FMN1: variants seen among roughly 807,000 people sequenced by gnomAD.
FMN1 encodes formin 1, also known as formin-1.
A neutral mutation model predicts 132.4 loss-of-function variants in FMN1; 110 were observed. The observed-to-expected ratio is 0.83, with a 90% confidence interval of 0.71 to 0.97. FMN1 has a LOEUF of 0.97. Among genes scored for constraint, FMN1 ranks in the 50% least tolerant of loss-of-function variants. FMN1 has a pLI of 0.00. For synonymous variants in FMN1, 722 were observed against 651.7 expected, an observed-to-expected ratio of 1.11 and a Z score of -1.64; for missense variants, 1,792 against 1,705.3, an observed-to-expected ratio of 1.05 and a Z score of -0.90.
intron 6 of FMN1, among the ~76,000 whole-genome samples, chr15:33,059,826 T>A (rs2037403060): frequency 6.6e-6 from 1 of 152,236 alleles, no homozygotes; most frequent in Admixed American, 6.5e-5. Flanking sequence ...AATCTCTTGC[T>A]TCTACTCTCC....
intron 16 of FMN1, among the ~76,000 whole-genome samples, chr15:32,880,019 T>C (rs1448512454): frequency 6.6e-6 from 1 of 152,090 alleles, no homozygotes; most frequent in Non-Finnish European, 1.5e-5. Flanking sequence ...GATTATTTGG[T>C]GCTTAGTAGT....
At chr15:32,836,842 A>G (rs1376225466) in intron 17 of FMN1, 1 of 165,884 alleles carries the variant, frequency 6.0e-6, no homozygotes, top group Admixed American at 6.5e-5. Context: ...CAACTTCCTG[A>G]CACTCCTAGG....
intron 6 of FMN1, among the ~76,000 whole-genome samples, chr15:33,049,489 G>A (rs1331483576): frequency 1.3e-5 from 2 of 152,190 alleles, no homozygotes; most frequent in Non-Finnish European, 2.9e-5. Context: ...GGGGTTTCAA[G>A]ACCAAATTAG....
At position 32,968,453 on chromosome 15, in the gene FMN1, G is replaced by A. The variant is rs182170368; in HGVS notation, c.2987+261C>T. ...TTAGATCCGGACTCTTGTCTAGTCT[G>A]TAAAATGGAACATTTGCCTTGGAAA... On this transcript the variant is annotated intron_variant, in intron 8 of 20. Transcript: ENST00000616417. 9.9e-4 allele frequency among the ~76,000 whole-genome samples: 151 copies of A among 152,258 alleles called. 2 individuals are homozygous for A. The highest frequency in any genetic ancestry group is 3.2e-3 in the African/African-American group (134 of 41,556).
At chr15:32,949,994 TACAC>T (rs374719880) in intron 9 of FMN1, among the ~76,000 whole-genome samples, 104 of 18,216 alleles carry the variant, frequency 5.7e-3, no homozygotes, top group African/African-American at 7.9e-3. Context: ...CACATATATA[TACAC>T]ATACACATAT....
chr15:32,958,290 A>G (rs1268864709), intron 9 of FMN1, among the ~76,000 whole-genome samples: 1 of 152,206 alleles, frequency 6.6e-6, no homozygotes, highest in African/African-American at 2.4e-5. Context: ...AATCACCCGA[A>G]TAAAAGTTGA....
intron 4 of FMN1, among the ~76,000 whole-genome samples, chr15:33,094,130 G>T (rs1033897939): frequency 6.6e-6 from 1 of 152,094 alleles, no homozygotes. Flanking sequence ...GTGGGTACAG[G>T]GCTTTAACAT....
chr15:33,010,900 T>TA lies in FMN1; in HGVS notation c.2162-2826dup, dbSNP rs1436798368. Among the ~76,000 whole-genome samples the TA allele has an allele frequency of 9.2e-3, 1,322 of 143,526 alleles. 14 individuals are homozygous for TA. Among genetic ancestry groups the TA allele is most frequent in the African/African-American group, 0.021 (836 of 39,492 alleles). 94.2% of individuals were successfully genotyped at this position (143,526 alleles called of 152,430 possible). On this transcript the variant is annotated intron_variant, in intron 6 of 20. Coordinates refer to ENST00000616417, the MANE Select transcript of FMN1 (RefSeq NM_001277313.2). ...GTAACATTTTATTGACATATTTTAC[T>TA]AAAAAAAAAAAAATAAACGCAGAAA...
intron 12 of FMN1, among the ~76,000 whole-genome samples, chr15:32,902,255 A>T (rs926808884): frequency 6.6e-6 from 1 of 152,236 alleles, no homozygotes; most frequent in Admixed American, 6.5e-5. Context: ...TGATGAATAA[A>T]TGCATGGTAT....
At chr15:32,942,303 G>A (rs575282535) in intron 9 of FMN1, among the ~76,000 whole-genome samples, 4 of 152,178 alleles carry the variant, frequency 2.6e-5, no homozygotes, top group Non-Finnish European at 4.4e-5. Context: ...AAAATGGGAA[G>A]ACAGATTTGC....
intron 5 of FMN1, among the ~76,000 whole-genome samples, chr15:33,088,270 TAA>T (rs565087777): frequency 6.6e-6 from 1 of 152,144 alleles, no homozygotes; most frequent in Non-Finnish European, 1.5e-5. Context: ...ACAAAAACTT[TAA>T]AAAAGAGAAG....
intron 16 of FMN1, among the ~76,000 whole-genome samples, chr15:32,885,429 G>C (rs2059873396): frequency 6.6e-6 from 1 of 152,132 alleles, no homozygotes; most frequent in Non-Finnish European, 1.5e-5. Context: ...GATATGTATT[G>C]AACACATGCC....
At chr15:33,146,297 T>C (rs946861613) in intron 4 of FMN1, among the ~76,000 whole-genome samples, 1 of 152,306 alleles carries the variant, frequency 6.6e-6, no homozygotes, top group East Asian at 1.9e-4. Context: ...CCAAAGCTCC[T>C]TCTTCCTCAA....
intron 17 of FMN1, among the ~76,000 whole-genome samples, chr15:32,809,008 T>C (rs1291406804): frequency 6.6e-6 from 1 of 152,130 alleles, no homozygotes; most frequent in African/African-American, 2.4e-5. Context: ...AGTCATTTTA[T>C]TTGCTGTTTC....
intron 6 of FMN1, among the ~76,000 whole-genome samples, chr15:33,035,151 T>C (rs1053381617): frequency 3.9e-5 from 6 of 152,190 alleles, no homozygotes; most frequent in Admixed American, 3.9e-4. Context: ...TCCTTTATTA[T>C]CACATTAAAT....
At chr15:33,076,799 TA>T (rs1323238105) in intron 5 of FMN1, among the ~76,000 whole-genome samples, 1 of 152,122 alleles carries the variant, frequency 6.6e-6, no homozygotes, top group African/African-American at 2.4e-5. Context: ...TCTTTCCTAC[TA>T]AACATAGGAA....
chr15:32,827,453 A>G lies in FMN1; in HGVS notation c.3929-23121T>C, dbSNP rs541487873. 4.6e-5 allele frequency among the ~76,000 whole-genome samples: 7 copies of G among 152,268 alleles called. 1 individual carries two copies. The South Asian group carries it at 6.2e-4, about 13-fold the overall frequency. On this transcript the variant is annotated intron_variant, in intron 17 of 20. Transcript: ENST00000616417. ...TCGTTCTAGATGAAAATCATAACAT[A>G]TAAGAAAATAGCATTAGTTTTCATG...
At chr15:32,858,179 T>G (rs2059180302) in intron 16 of FMN1, among the ~76,000 whole-genome samples, 1 of 152,194 alleles carries the variant, frequency 6.6e-6, no homozygotes, top group Admixed American at 6.5e-5. Flanking sequence ...GAGATCTTTA[T>G]TTACATTGGG....
chr15:33,111,113 T>TG (rs35204103), intron 4 of FMN1, among the ~76,000 whole-genome samples: 53,167 of 151,968 alleles, frequency 0.35, 10,582 homozygotes, highest in East Asian at 0.68. Flanking sequence ...TCACAATCTA[T>TG]GAGATGATTC....
Sources: gnomAD v4.1 joint callset for allele counts (sites outside exome capture counted in the v4.1 genomes callset) on GRCh38, gnomAD v4.1.1 for gene constraint, MANE v1.5 for transcripts, NCBI Gene and HGNC (gene_info 2026-07-23, HGNC 2026-07-21) for gene names.